The following CADM1 variants were observed in gnomAD, a reference collection of about 807,000 sequenced individuals.
The protein encoded by CADM1 is TSLC-1.
In CADM1, 15 loss-of-function variants were observed where a neutral mutation model predicts 53.1. That is an observed-to-expected ratio of 0.28 (90% CI 0.19 to 0.44). The LOEUF (loss-of-function observed/expected upper bound fraction) is 0.44. Ranked by LOEUF, CADM1 falls within the 20% of genes least tolerant of loss-of-function variation. CADM1 has a pLI of 1.00. For missense variants in CADM1, 434 were observed against 611.3 expected (o/e 0.71, Z 3.06); for synonymous variants, 281 against 243.0 (o/e 1.16, Z -1.45).
At chr11:115,276,072 T>C (rs765123594) in intron 1 of CADM1, among the ~76,000 whole-genome samples, 13 of 152,232 alleles carry the variant, frequency 8.5e-5, no homozygotes, top group Non-Finnish European at 1.6e-4. Context: ...TGATGTGTTT[T>C]ATCATTACCC....
chr11:115,238,052 A>G (rs1942072066), intron 3 of CADM1, among the ~76,000 whole-genome samples: 1 of 152,208 alleles, frequency 6.6e-6, no homozygotes, highest in Non-Finnish European at 1.5e-5. Context: ...CAAGCCAATG[A>G]AAAGGAGATC....
At chr11:115,352,476 A>T (rs1387482103) in intron 1 of CADM1, among the ~76,000 whole-genome samples, 1 of 152,238 alleles carries the variant, frequency 6.6e-6, no homozygotes, top group Non-Finnish European at 1.5e-5. Flanking sequence ...TAACTGTCAC[A>T]GGCTATGCAG....
At chr11:115,365,185 T>A (rs571070305) in intron 1 of CADM1, among the ~76,000 whole-genome samples, 14 of 152,186 alleles carry the variant, frequency 9.2e-5, no homozygotes, top group African/African-American at 1.4e-4. Flanking sequence ...TTACTCCAAC[T>A]GTATGAATTA....
At position 115,172,838 on chromosome 11, in the gene CADM1, AC is replaced by A. The variant is rs1357525325; in HGVS notation, c.*3635del. The A allele has an allele frequency of 3.6e-5, 5 of 138,146 alleles. No homozygotes were observed. In the East Asian group the frequency reaches 1.1e-3, roughly 30 times the overall value. 8.6% of individuals were successfully genotyped at this position (138,146 alleles called of 1,614,324 possible). ...ACAGCCTTCAGTCTTTCTGGAGCTT[AC>A]CTTTGCTTTTCCTATGGAACTTTCC... On this transcript the variant is annotated 3_prime_UTR_variant, in exon 12 of 12. Transcript: ENST00000331581.
intron 1 of CADM1, among the ~76,000 whole-genome samples, chr11:115,371,383 C>G (rs916286547): frequency 6.6e-6 from 1 of 151,844 alleles, no homozygotes; most frequent in Non-Finnish European, 1.5e-5. Context: ...TGATAAGTTA[C>G]AGATATATAC....
intron 9 of CADM1, among the ~76,000 whole-genome samples, chr11:115,191,259 GCT>G (rs1939843703): frequency 2.0e-5 from 3 of 152,182 alleles, no homozygotes; most frequent in African/African-American, 2.4e-5. Context: ...AGCTGTCGAT[GCT>G]CTGATATCTC....
intron 1 of CADM1, among the ~76,000 whole-genome samples, chr11:115,340,649 T>TA (rs1945412241): frequency 3.9e-5 from 2 of 51,480 alleles, no homozygotes; most frequent in Non-Finnish European, 3.4e-5. Flanking sequence ...TATATATATA[T>TA]ATATATATAT....
rs1353212174 is a variant in CADM1 at position 115,308,175 on chromosome 11, G to GTGTGTGTGTGTATATA, written c.125-67756_125-67755insTATATACACACACACA. ...TGTGTGTGTGTGTGTGTGTGTGTGT[G>GTGTGTGTGTGTATATA]TATATCACTCATAGGTGTGTATATA... On this transcript the variant is annotated intron_variant, in intron 1 of 11. Coordinates refer to ENST00000331581, the MANE Select transcript of CADM1 (RefSeq NM_001301043.2). 3.4e-5 allele frequency among the ~76,000 whole-genome samples: 4 copies of GTGTGTGTGTGTATATA among 117,430 alleles called. No homozygotes were observed. The Admixed American group carries it at 3.7e-4, about 11-fold the overall frequency. 77.0% of individuals were successfully genotyped at this position (117,430 alleles called of 152,430 possible).
intron 1 of CADM1, among the ~76,000 whole-genome samples, chr11:115,422,667 G>C (rs992075678): frequency 8.5e-5 from 13 of 152,186 alleles, no homozygotes; most frequent in Non-Finnish European, 1.8e-4. Context: ...CCTTTTACAA[G>C]TGCAACTCTT....
chr11:115,213,435 G>T (rs536120964), intron 7 of CADM1, among the ~76,000 whole-genome samples: 9 of 152,256 alleles, frequency 5.9e-5, no homozygotes, highest in Admixed American at 2.0e-4. Flanking sequence ...ACATACTTCA[G>T]AAGTCTACAA....
In CADM1 at chr11:115,174,893, A is replaced by C; in HGVS notation, c.*1581T>G. 1 of 985,656 alleles carries C rather than the reference A, an allele frequency of 1.0e-6. No individual in the cohort carries two copies. Among genetic ancestry groups the C allele is most frequent in the Non-Finnish European group, 1.2e-6 (1 of 829,858 alleles). The allele number at this position is 985,656 out of a possible 1,614,324, so 61.1% of individuals were successfully genotyped here. On this transcript the variant is annotated 3_prime_UTR_variant, in exon 12 of 12. Coordinates refer to ENST00000331581, the MANE Select transcript of CADM1 (RefSeq NM_001301043.2). ...TAGATTTCCTAGACGTTTCAGTGAA[A>C]ATCCCCACACTTCTTTCTTTAAAAC...
chr11:115,305,282 C>T (rs948042680), intron 1 of CADM1, among the ~76,000 whole-genome samples: 5 of 151,996 alleles, frequency 3.3e-5, no homozygotes, highest in African/African-American at 9.7e-5. Flanking sequence ...CTCCTGCCTA[C>T]GGGCGCCTTC....
At chr11:115,255,303 A>G (rs778692786) in intron 1 of CADM1, among the ~76,000 whole-genome samples, 1 of 152,200 alleles carries the variant, frequency 6.6e-6, no homozygotes, top group Non-Finnish European at 1.5e-5. Flanking sequence ...GGTTTTCCGT[A>G]GCACCCAATT....
At chr11:115,371,391 T>C (rs969266851) in intron 1 of CADM1, among the ~76,000 whole-genome samples, 1 of 151,776 alleles carries the variant, frequency 6.6e-6, no homozygotes, top group African/African-American at 2.4e-5. Flanking sequence ...TACAGATATA[T>C]ACAATAAGCT....
At chr11:115,498,590 G>C (rs12274736) in intron 1 of CADM1, among the ~76,000 whole-genome samples, 2 of 152,128 alleles carry the variant, frequency 1.3e-5, no homozygotes, top group Admixed American at 1.3e-4. Flanking sequence ...CATCTTATCC[G>C]ATCCAAACAA....
Position 115,364,448 on chromosome 11 carries a change from C to T in CADM1, c.125-124028G>A, listed in dbSNP as rs886767469. ...CTTCCATGTATTCCCAATGGAAACA[C>T]CTGGACTTGGTCTTGTAGAAGCACA... On this transcript the variant is annotated intron_variant, in intron 1 of 11. Transcript: ENST00000331581. 2.6e-5 allele frequency among the ~76,000 whole-genome samples: 4 copies of T among 152,090 alleles called. No homozygotes were observed. In the South Asian group the frequency reaches 8.3e-4, roughly 32 times the overall value.
At chr11:115,206,890 G>A (rs1248839211) in intron 8 of CADM1, among the ~76,000 whole-genome samples, 1 of 147,684 alleles carries the variant, frequency 6.8e-6, no homozygotes, top group African/African-American at 2.5e-5. Context: ...GAAGAGGAGT[G>A]GAAATTAATT....
At chr11:115,444,538 ATGT>A (rs568858437) in intron 1 of CADM1, among the ~76,000 whole-genome samples, 220 of 152,328 alleles carry the variant, frequency 1.4e-3, no homozygotes, top group African/African-American at 4.9e-3. Context: ...AGTGAAAATA[ATGT>A]TGTTACTAAA....
chr11:115,321,486 T>G (rs1420600133), intron 1 of CADM1, among the ~76,000 whole-genome samples: 1 of 152,208 alleles, frequency 6.6e-6, no homozygotes, highest in African/African-American at 2.4e-5. Context: ...CTTTAATACA[T>G]GCAAATCATA....
Sources: gnomAD v4.1 joint callset for allele counts (sites outside exome capture counted in the v4.1 genomes callset) on GRCh38, gnomAD v4.1.1 for gene constraint, MANE v1.5 for transcripts, NCBI Gene and HGNC (gene_info 2026-07-23, HGNC 2026-07-21) for gene names.